TOX: variants seen among roughly 807,000 people sequenced by gnomAD.
TOX encodes thymocyte selection associated high mobility group box.
TOX carries 11 observed loss-of-function variants against 53.7 expected under a neutral mutation model. The observed-to-expected ratio is 0.20, with a 90% confidence interval of 0.13 to 0.34. The LOEUF (loss-of-function observed/expected upper bound fraction) is 0.34. TOX is among the 10% of genes least tolerant of loss of function. TOX has a pLI of 1.00. For missense variants in TOX, 570 were observed against 664.6 expected, an observed-to-expected ratio of 0.86 and a Z score of 1.56; for synonymous variants, 225 against 245.3, an observed-to-expected ratio of 0.92 and a Z score of 0.77.
At chr8:59,022,055 T>C (rs1413466273) in intron 1 of TOX, among the ~76,000 whole-genome samples, 1 of 152,172 alleles carries the variant, frequency 6.6e-6, no homozygotes, top group Non-Finnish European at 1.5e-5. Flanking sequence ...CTTACCTCCC[T>C]CTAAAGTGTC....
chr8:59,068,377 A>G (rs1804133498), intron 1 of TOX, among the ~76,000 whole-genome samples: 4 of 151,904 alleles, frequency 2.6e-5, no homozygotes, highest in Admixed American at 2.6e-4. Context: ...TGTAAAGGAG[A>G]CGGGGGATAA....
chr8:58,932,345 T>C (rs1812269909), intron 3 of TOX, among the ~76,000 whole-genome samples: 1 of 152,138 alleles, frequency 6.6e-6, no homozygotes, highest in East Asian at 1.9e-4. Context: ...GCTAAATAAT[T>C]GTTCTTCATC....
At chr8:58,998,928 T>TA (rs1300928246) in intron 1 of TOX, among the ~76,000 whole-genome samples, 2 of 152,140 alleles carry the variant, frequency 1.3e-5, no homozygotes, top group Non-Finnish European at 2.9e-5. Flanking sequence ...CACCAGTTAC[T>TA]AATTCATTTT....
chr8:59,063,596 T>C (rs1372832210), intron 1 of TOX, among the ~76,000 whole-genome samples: 14 of 152,080 alleles, frequency 9.2e-5, no homozygotes, highest in African/African-American at 3.1e-4. Context: ...GCTAATTTTT[T>C]ATATTTTTAG....
intron 1 of TOX, among the ~76,000 whole-genome samples, chr8:58,979,130 T>C (rs1290379431): frequency 6.6e-6 from 1 of 152,196 alleles, no homozygotes; most frequent in African/African-American, 2.4e-5. Context: ...GAAATATCTG[T>C]AAGTAGATAC....
chr8:58,886,792 A>G (rs2129171437), intron 3 of TOX, among the ~76,000 whole-genome samples: 2 of 151,684 alleles, frequency 1.3e-5, no homozygotes, highest in South Asian at 2.1e-4. Context: ...CTTCCCAACC[A>G]CAATTTACCT....
intron 1 of TOX, among the ~76,000 whole-genome samples, chr8:59,101,949 C>G (rs934185696): frequency 1.4e-4 from 21 of 152,142 alleles, no homozygotes; most frequent in Admixed American, 1.4e-3. Flanking sequence ...GATGGGAGAG[C>G]CTGGCTGCCC....
At chr8:58,835,560 T>A (rs1810531252) in intron 5 of TOX, among the ~76,000 whole-genome samples, 1 of 152,218 alleles carries the variant, frequency 6.6e-6, no homozygotes, top group Non-Finnish European at 1.5e-5. Context: ...GTTATAGAAT[T>A]AGCGGGAAGA....
In TOX at chr8:58,806,622, A is replaced by G. The variant is rs1809980900; in HGVS notation, c.*1125T>C. 1 of 152,626 alleles carries G rather than the reference A, an allele frequency of 6.6e-6. No individual in the cohort carries two copies. The highest frequency in any genetic ancestry group is 2.4e-5 in the African/African-American group (1 of 41,456). The allele number at this position is 152,626 out of a possible 1,614,324, so 9.5% of individuals were successfully genotyped here. ...TTGCATCAACCAAAGAAATGCAGAA[A>G]TAAGGACTGGTTACTTTAATTTGCT... is the stretch of plus-strand genomic sequence containing the variant. On this transcript the variant is annotated 3_prime_UTR_variant, in exon 9 of 9. Transcript: ENST00000361421.
At chr8:58,853,966 T>C (rs888956854) in intron 3 of TOX, among the ~76,000 whole-genome samples, 3 of 152,176 alleles carry the variant, frequency 2.0e-5, no homozygotes, top group African/African-American at 7.2e-5. Context: ...TCAAGTCCTG[T>C]ATGTTTTTAG....
intron 2 of TOX, among the ~76,000 whole-genome samples, chr8:58,940,200 C>T (rs959490798): frequency 6.6e-6 from 1 of 152,168 alleles, no homozygotes; most frequent in African/African-American, 2.4e-5. Context: ...TTGATTTCCT[C>T]CTAAGAGCTG....
chr8:59,065,282 T>C (rs1804066701), intron 1 of TOX, among the ~76,000 whole-genome samples: 1 of 152,154 alleles, frequency 6.6e-6, no homozygotes, highest in South Asian at 2.1e-4. Context: ...ATAATCACAG[T>C]AACTTAAAAT....
intron 1 of TOX, among the ~76,000 whole-genome samples, chr8:59,013,460 G>A (rs1009574776): frequency 3.3e-5 from 5 of 151,324 alleles, no homozygotes; most frequent in Admixed American, 6.6e-5. Context: ...GCCCAAGCTG[G>A]AGTGCAGTGG....
chr8:58,935,324 C>T (rs998001789), intron 3 of TOX, among the ~76,000 whole-genome samples: 9 of 151,992 alleles, frequency 5.9e-5, no homozygotes, highest in East Asian at 1.9e-4. Flanking sequence ...TTGATCCATT[C>T]GAATACTAAA....
intron 3 of TOX, among the ~76,000 whole-genome samples, chr8:58,915,042 G>C (rs539472132): frequency 6.7e-6 from 1 of 149,188 alleles, no homozygotes; most frequent in African/African-American, 2.5e-5. Context: ...ACCTGGCTCA[G>C]AGGGTCCTAC....
chr8:58,811,945 G>T (rs754404937), intron 7 of TOX, among the ~76,000 whole-genome samples: 1 of 152,162 alleles, frequency 6.6e-6, no homozygotes, highest in East Asian at 1.9e-4. Flanking sequence ...AATAGCTAAA[G>T]TAATATTGGA....
At chr8:58,994,776 A>C (rs1230095004) in intron 1 of TOX, among the ~76,000 whole-genome samples, 4 of 152,176 alleles carry the variant, frequency 2.6e-5, no homozygotes, top group African/African-American at 9.6e-5. Context: ...ATTCCCACAC[A>C]GGCAACCCAA....
At chr8:59,034,354 G>A (rs943537655) in intron 1 of TOX, among the ~76,000 whole-genome samples, 4 of 152,336 alleles carry the variant, frequency 2.6e-5, no homozygotes, top group Middle Eastern at 3.4e-3. Flanking sequence ...ACGCAAGAGC[G>A]AGGGGGTGAG....
intron 3 of TOX, among the ~76,000 whole-genome samples, chr8:58,874,557 T>C (rs1040965208): frequency 1.3e-5 from 2 of 152,156 alleles, no homozygotes; most frequent in African/African-American, 4.8e-5. Context: ...TCTACTTGTA[T>C]TGGAGTCAAT....
Sources: allele counts gnomAD v4.1 joint callset (sites outside exome capture counted in the v4.1 genomes callset), GRCh38; gene constraint gnomAD v4.1.1; transcripts MANE v1.5; gene names NCBI Gene and HGNC (gene_info 2026-07-23, HGNC 2026-07-21).